The following ZNF487 variants were observed in gnomAD, a reference collection of about 807,000 sequenced individuals.
ZNF487 encodes the protein KRAB domain only 1.
In ZNF487, 4 loss-of-function variants were observed where a neutral mutation model predicts 3.0. That is an observed-to-expected ratio of 1.35 (90% CI 0.66 to 3.08). ZNF487 has a LOEUF of 3.08. Among genes scored for constraint, ZNF487 ranks in the 30% most tolerant of loss-of-function variants. The pLI is 0.01. For synonymous variants in ZNF487, 55 were observed against 34.6 expected (o/e 1.59, Z -2.06); for missense variants, 146 against 98.7 (o/e 1.48, Z -2.03).
At chr10:43,483,486 G>A (rs1005998034), downstream of ZNF487, among the ~76,000 whole-genome samples, 9 of 150,616 alleles carry the variant, frequency 6.0e-5, no homozygotes, top group African/African-American at 2.2e-4. Context: ...GTGTCCACCC[G>A]CCTTGGCCTG....
chr10:43,508,604 T>C, the ZNF487 span, among the ~76,000 whole-genome samples: 1 of 151,604 alleles, frequency 6.6e-6, no homozygotes, highest in African/African-American at 2.4e-5. Context: ...AGGTCAGGAG[T>C]TTGAGACCAG....
the ZNF487 span, among the ~76,000 whole-genome samples, chr10:43,508,911 C>T: frequency 6.7e-6 from 1 of 149,138 alleles, no homozygotes; most frequent in Non-Finnish European, 1.5e-5. Context: ...TAAAACAGGG[C>T]CTTCAAGAAT....
At chr10:43,449,560 A>G (rs1839934348) in intron 1 of ZNF487, among the ~76,000 whole-genome samples, 1 of 152,142 alleles carries the variant, frequency 6.6e-6, no homozygotes, top group African/African-American at 2.4e-5. Flanking sequence ...TAAGCTTGTG[A>G]ATTCAGTATT....
intron 1 of ZNF487, among the ~76,000 whole-genome samples, chr10:43,465,312 C>T (rs1003785942): frequency 1.3e-5 from 2 of 149,272 alleles, no homozygotes; most frequent in South Asian, 2.2e-4. Context: ...CCTCCCGGAC[C>T]GGGTGGCTGC....
intron 3 of ZNF487, among the ~76,000 whole-genome samples, chr10:43,480,696 G>A (rs1440284877): frequency 2.0e-5 from 3 of 150,454 alleles, no homozygotes; most frequent in African/African-American, 7.3e-5. Flanking sequence ...GATTACAGGC[G>A]TGAGCCACTG....
intron 1 of ZNF487, among the ~76,000 whole-genome samples, chr10:43,450,966 A>G (rs912461722): frequency 6.6e-6 from 1 of 151,902 alleles, no homozygotes; most frequent in Non-Finnish European, 1.5e-5. Context: ...TTATTTTTTG[A>G]GATGGAGTTT....
the ZNF487 span, among the ~76,000 whole-genome samples, chr10:43,492,596 C>T: frequency 9.4e-3 from 1,416 of 150,938 alleles, 23 homozygotes; most frequent in African/African-American, 0.032. Flanking sequence ...GGACTACAAG[C>T]GCCCGCCACC....
chr10:43,477,646 T>A (rs1841150185), intron 3 of ZNF487, among the ~76,000 whole-genome samples: 1 of 125,014 alleles, frequency 8.0e-6, no homozygotes, highest in African/African-American at 2.7e-5. Flanking sequence ...ATGTGTTGGA[T>A]TAGACTGAAA....
At chr10:43,523,172 A>G in the ZNF487 span, 1 of 152,210 alleles carries the variant, frequency 6.6e-6, no homozygotes, top group Non-Finnish European at 1.5e-5. Flanking sequence ...GAGCATTTGC[A>G]TGTTACATCC....
chr10:43,484,643 TA>T (rs925738465), downstream of ZNF487, among the ~76,000 whole-genome samples: 2 of 152,126 alleles, frequency 1.3e-5, no homozygotes, highest in African/African-American at 4.8e-5. Context: ...TTCCTTTGCA[TA>T]GCTGAAACAA....
At chr10:43,491,029 T>C in the ZNF487 span, among the ~76,000 whole-genome samples, 2 of 143,956 alleles carry the variant, frequency 1.4e-5, no homozygotes, top group African/African-American at 2.6e-5. Context: ...CCTGGGGGCA[T>C]GATCTCGGCT....
rs1479822457 is a variant in ZNF487, at chr10:43,466,091, A to G, written c.-93-9630A>G. Among the ~76,000 whole-genome samples, 14 of 152,072 alleles carry G rather than the reference A, an allele frequency of 9.2e-5. 1 individual carries two copies. The highest frequency in any genetic ancestry group is 7.9e-4 in the Admixed American group (12 of 15,254). ...CAATCACAGGCACTCGGCAGGCTGA[A>G]GCAGGAGAATCAGGCAGGGAGGTTG... On this transcript the variant is annotated intron_variant, in intron 1 of 3. Coordinates refer to ENST00000437590, the MANE Select transcript of ZNF487 (RefSeq NM_001355444.3).
At chr10:43,523,081 T>C in the ZNF487 span, among the ~76,000 whole-genome samples, 1 of 152,248 alleles carries the variant, frequency 6.6e-6, no homozygotes, top group Non-Finnish European at 1.5e-5. Context: ...TTTTTCATAT[T>C]CAGTTTGTTT....
At chr10:43,459,602 A>G (rs1210021187) in intron 1 of ZNF487, among the ~76,000 whole-genome samples, 1 of 151,630 alleles carries the variant, frequency 6.6e-6, no homozygotes, top group African/African-American at 2.4e-5. Flanking sequence ...GTCAGGTCTC[A>G]CTCTGTCACG....
At position 43,462,378 on chromosome 10, in the gene ZNF487, TTTTTTTC is replaced by T. The variant is rs370224758; in HGVS notation, c.-93-13322_-93-13316del. ...TAATGTACTTTGCAGATATTGTGCT[TTTTTTTC>T]TTTTTTCTTTTTTCTTTTTTTAACA... On this transcript the variant is annotated intron_variant, in intron 1 of 3. Coordinates refer to ENST00000437590, the MANE Select transcript of ZNF487 (RefSeq NM_001355444.3). Among the ~76,000 whole-genome samples the T allele has an allele frequency of 2.4e-3, 357 of 151,806 alleles. 3 individuals are homozygous for T. Among genetic ancestry groups the T allele is most frequent in the African/African-American group, 6.9e-3 (285 of 41,132 alleles).
chr10:43,498,092 TATATATATTTTTTTTTTTTTTC>T, the ZNF487 span, among the ~76,000 whole-genome samples: 171 of 21,230 alleles, frequency 8.1e-3, 24 homozygotes, highest in East Asian at 0.04. Context: ...TATATATATA[TATATATATTTTTTTTTTTTTTC>T]TTTTTTTTTT....
At chr10:43,479,129 A>G (rs1841217550) in intron 3 of ZNF487, among the ~76,000 whole-genome samples, 1 of 150,264 alleles carries the variant, frequency 6.7e-6, no homozygotes, top group Non-Finnish European at 1.5e-5. Context: ...ATGTGTGTAT[A>G]TATATATATA....
chr10:43,484,048 T>C (rs569713866), downstream of ZNF487, among the ~76,000 whole-genome samples: 9 of 151,914 alleles, frequency 5.9e-5, no homozygotes, highest in East Asian at 1.6e-3. Context: ...TTTGTATTTT[T>C]AGTAGAGACA....
downstream of ZNF487, among the ~76,000 whole-genome samples, chr10:43,485,674 G>A (rs1243072649): frequency 1.3e-5 from 2 of 152,172 alleles, no homozygotes; most frequent in African/African-American, 4.8e-5. Context: ...GTAACCACTA[G>A]CCATATGTGG....
Sources: gnomAD v4.1 joint callset for allele counts (sites outside exome capture counted in the v4.1 genomes callset) on GRCh38, gnomAD v4.1.1 for gene constraint, MANE v1.5 for transcripts, NCBI Gene and HGNC (gene_info 2026-07-23, HGNC 2026-07-21) for gene names.